Variants in GDAP1 observed in about 807,000 individuals in gnomAD.
GDAP1 encodes ganglioside induced differentiation associated protein 1, also known as ganglioside-induced differentiation-associated protein 1.
In GDAP1, 34 loss-of-function variants were observed where a neutral mutation model predicts 40.1. That is an observed-to-expected ratio of 0.85 (90% CI 0.64 to 1.13). The LOEUF (loss-of-function observed/expected upper bound fraction) is 1.13. Ranked by LOEUF, GDAP1 falls within the 50% of genes most tolerant of loss-of-function variation. The pLI is 0.00. For synonymous variants in GDAP1, 170 were observed against 157.4 expected (o/e 1.08, Z -0.60); for missense variants, 374 against 433.7 (o/e 0.86, Z 1.22).
At chr8:74,415,694 T>C (rs1411384436) in intron 2 of GDAP1, among the ~76,000 whole-genome samples, 2 of 149,764 alleles carry the variant, frequency 1.3e-5, no homozygotes, top group African/African-American at 2.6e-5. Context: ...GGGAGAAACA[T>C]AGGGGTGTGC....
chr8:74,395,930 G>T (rs1810190941), intron 2 of GDAP1, among the ~76,000 whole-genome samples: 1 of 152,194 alleles, frequency 6.6e-6, no homozygotes, highest in Non-Finnish European at 1.5e-5. Flanking sequence ...CAAGCTAGTG[G>T]TAACAACATA....
rs566646782 is a variant in GDAP1, at chr8:74,436,653, C to T, written c.166-52025C>T. ...GCCAGACTGGTCTTGAACTCCTGACCTCAGGCAATCTCCCTGCCTCAGCCT... is the reference window on the plus strand; with the variant it reads ...GCCAGACTGGTCTTGAACTCCTGACTTCAGGCAATCTCCCTGCCTCAGCCT... On this transcript the variant is annotated intron_variant, in intron 2 of 2. Transcript: ENST00000523640. Among the ~76,000 whole-genome samples, 9 of 152,060 alleles carry T rather than the reference C, an allele frequency of 5.9e-5. No homozygotes were observed. The South Asian group carries it at 1.7e-3, about 28-fold the overall frequency.
chr8:74,461,338 TA>T (rs1438357820), intron 2 of GDAP1, among the ~76,000 whole-genome samples: 1 of 152,198 alleles, frequency 6.6e-6, no homozygotes, highest in Non-Finnish European at 1.5e-5. Context: ...ACATACATAT[TA>T]TTTAATGACC....
chr8:74,400,900 T>C (rs1810319313), intron 2 of GDAP1, among the ~76,000 whole-genome samples: 1 of 149,752 alleles, frequency 6.7e-6, no homozygotes, highest in Non-Finnish European at 1.5e-5. Flanking sequence ...TTCTGGCTTA[T>C]AGGGTTTCTG....
At chr8:74,354,682 A>G (rs1268085030) in intron 2 of GDAP1, among the ~76,000 whole-genome samples, 2 of 152,242 alleles carry the variant, frequency 1.3e-5, no homozygotes, top group African/African-American at 2.4e-5. Context: ...TAAGTTACCA[A>G]TGTTAAAACA....
intron 2 of GDAP1, among the ~76,000 whole-genome samples, chr8:74,400,942 C>G (rs1251941332): frequency 6.7e-6 from 1 of 149,892 alleles, no homozygotes; most frequent in Non-Finnish European, 1.5e-5. Context: ...TGATGGGCTT[C>G]CCTTTGTGGG....
chr8:74,365,570 T>C lies in GDAP1; in HGVS notation c.*1203T>C, dbSNP rs771569120. 2.2e-6 allele frequency: 1 copy of C among 454,428 alleles called. No homozygotes were observed. Among genetic ancestry groups the C allele is most frequent in the South Asian group, 1.6e-5 (1 of 64,466 alleles). 28.1% of individuals were successfully genotyped at this position (454,428 alleles called of 1,614,324 possible). On this transcript the variant is annotated 3_prime_UTR_variant, in exon 6 of 6. Coordinates refer to ENST00000220822, the MANE Select transcript of GDAP1 (RefSeq NM_018972.4). ...TGAAGGCCTTAGAAGCCATTTCTGG[T>C]GTCTGGTGGGTAGCAGGCATAGAGA...
Position 74,364,829 on chromosome 8 carries a change from G to T in GDAP1, c.*462G>T, listed in dbSNP as rs1356156871. On this transcript the variant is annotated 3_prime_UTR_variant, in exon 6 of 6. Transcript: ENST00000220822. Reference sequence around the variant, plus strand: ...GCTTTATATGTATACTTTGACCTCAGTGTTAATTTTAAATGCTTATGAATC... The same window carrying T: ...GCTTTATATGTATACTTTGACCTCATTGTTAATTTTAAATGCTTATGAATC... The T allele has an allele frequency of 2.2e-6, 1 of 454,784 alleles. No individual in the cohort carries two copies. The highest frequency in any genetic ancestry group is 4.4e-6 in the Non-Finnish European group (1 of 227,270). The allele number at this position is 454,784 out of a possible 1,614,324, so 28.2% of individuals were successfully genotyped here.
chr8:74,357,777 G>A (rs927760861), intron 2 of GDAP1, among the ~76,000 whole-genome samples: 2 of 151,990 alleles, frequency 1.3e-5, no homozygotes, highest in Non-Finnish European at 2.9e-5. Context: ...GTCCTGCCCC[G>A]CTATGCCTTA....
intron 2 of GDAP1, among the ~76,000 whole-genome samples, chr8:74,469,211 T>C (rs961933466): frequency 6.6e-6 from 1 of 152,118 alleles, no homozygotes. Flanking sequence ...ACAAGGAAGA[T>C]TGGTCTGTAG....
At chr8:74,374,363 TG>T (rs922167431) in intron 2 of GDAP1, among the ~76,000 whole-genome samples, 1 of 152,162 alleles carries the variant, frequency 6.6e-6, no homozygotes, top group African/African-American at 2.4e-5. Flanking sequence ...TCCGGTAGAA[TG>T]GGAAATTTAT....
intron 2 of GDAP1, among the ~76,000 whole-genome samples, chr8:74,418,733 C>T (rs1805818666): frequency 6.6e-6 from 1 of 151,840 alleles, no homozygotes; most frequent in African/African-American, 2.4e-5. Context: ...AGTGTTAAGA[C>T]AAGGAAAAGA....
intron 2 of GDAP1, among the ~76,000 whole-genome samples, chr8:74,413,136 A>G (rs1181405779): frequency 6.7e-6 from 1 of 148,444 alleles, no homozygotes; most frequent in Non-Finnish European, 1.5e-5. Context: ...TTACAATTCA[A>G]GTGTGTATGC....
chr8:74,353,380 G>C (rs1301382108), intron 2 of GDAP1, among the ~76,000 whole-genome samples: 2 of 152,096 alleles, frequency 1.3e-5, no homozygotes, highest in African/African-American at 4.8e-5. Context: ...AAACGATTAA[G>C]GGACCCAAAA....
intron 2 of GDAP1, among the ~76,000 whole-genome samples, chr8:74,372,486 T>C (rs1432995289): frequency 6.6e-6 from 1 of 152,238 alleles, no homozygotes; most frequent in African/African-American, 2.4e-5. Context: ...TGGTATCTCA[T>C]TGTGGTTTTG....
chr8:74,392,264 G>A (rs1810122152), intron 2 of GDAP1, among the ~76,000 whole-genome samples: 1 of 152,202 alleles, frequency 6.6e-6, no homozygotes, highest in African/African-American at 2.4e-5. Context: ...AAATGATCAT[G>A]GAAGTACTTC....
intron 2 of GDAP1, among the ~76,000 whole-genome samples, chr8:74,380,794 T>C (rs535154656): frequency 3.3e-5 from 5 of 152,188 alleles, no homozygotes; most frequent in Admixed American, 6.5e-5. Flanking sequence ...TATAATTTTG[T>C]CTAATCAACA....
intron 2 of GDAP1, among the ~76,000 whole-genome samples, chr8:74,423,404 A>AT (rs1057119170): frequency 1.4e-5 from 2 of 147,760 alleles, no homozygotes; most frequent in Non-Finnish European, 3.0e-5. Context: ...TTATACATAT[A>AT]TATAATAGTA....
intron 2 of GDAP1, among the ~76,000 whole-genome samples, chr8:74,477,470 T>C (rs1011063317): frequency 1.1e-4 from 16 of 152,164 alleles, no homozygotes; most frequent in African/African-American, 3.9e-4. Context: ...ATGGTTTTTT[T>C]TTTTAATTCT....
Sources: allele counts gnomAD v4.1 joint callset (sites outside exome capture counted in the v4.1 genomes callset), GRCh38; gene constraint gnomAD v4.1.1; transcripts MANE v1.5; gene names NCBI Gene and HGNC (gene_info 2026-07-23, HGNC 2026-07-21).